ZDHHC23: variants seen among roughly 807,000 people sequenced by gnomAD.
ZDHHC23 encodes zDHHC palmitoyltransferase 23.
ZDHHC23 carries 41 observed loss-of-function variants against 40.2 expected under a neutral mutation model. The ratio of observed to expected loss-of-function variants is 1.02; its 90% CI spans 0.79 to 1.32. The LOEUF is 1.32. Ranked by LOEUF, ZDHHC23 falls within the 40% of genes most tolerant of loss-of-function variation. The pLI, the probability that ZDHHC23 is intolerant of heterozygous loss-of-function variation, is 0.00. For missense variants in ZDHHC23, 471 were observed against 541.5 expected (o/e 0.87, Z 1.29); for synonymous variants, 204 against 210.2 (o/e 0.97, Z 0.26).
At chr3:113,969,585 GCAC>G (rs772062411), downstream of ZDHHC23, among the ~76,000 whole-genome samples, 49 of 152,104 alleles carry the variant, frequency 3.2e-4, no homozygotes, top group Non-Finnish European at 6.6e-4. Flanking sequence ...TGTTTTTCCA[GCAC>G]CATTTATTAA....
the ZDHHC23 span, among the ~76,000 whole-genome samples, chr3:113,971,492 A>G: frequency 2.6e-5 from 4 of 152,214 alleles, no homozygotes; most frequent in South Asian, 2.1e-4. Flanking sequence ...ATTGATTTGC[A>G]TAAGTTGAAC....
downstream of ZDHHC23, chr3:113,964,400 A>G (rs1463587905): frequency 6.6e-6 from 1 of 152,232 alleles, no homozygotes; most frequent in Non-Finnish European, 1.5e-5. Context: ...TGAATTCAAG[A>G]TAGGTATCTC....
Position 113,959,602 on chromosome 3 carries a change from T to C in ZDHHC23, c.*972T>C, listed in dbSNP as rs897103667. On this transcript the variant is annotated 3_prime_UTR_variant, in exon 5 of 5. Coordinates refer to ENST00000638807, the MANE Select transcript of ZDHHC23 (RefSeq NM_001320466.2). ...GGGGATGCTTTACTCTCTTTTCTGGTAGGAAGGCTGAGTAACATCACGGGC... is the reference window on the plus strand; with the variant it reads ...GGGGATGCTTTACTCTCTTTTCTGGCAGGAAGGCTGAGTAACATCACGGGC... 24 of 1,211,484 alleles carry C rather than the reference T, an allele frequency of 2.0e-5. No homozygotes were observed. Among genetic ancestry groups the C allele is most frequent in the Non-Finnish European group, 2.5e-5 (23 of 931,868 alleles). The allele number at this position is 1,211,484 out of a possible 1,614,324, so 75.0% of individuals were successfully genotyped here. A position where few individuals can be genotyped will look rare whatever the true frequency, so the allele number is the denominator to read the frequency against.
intron 4 of ZDHHC23, among the ~76,000 whole-genome samples, chr3:113,957,164 G>C (rs1218052697): frequency 2.0e-5 from 3 of 152,174 alleles, no homozygotes; most frequent in Non-Finnish European, 2.9e-5. Flanking sequence ...CTCCCTGAAT[G>C]CTGGGGCCCC....
Position 113,959,644 on chromosome 3 carries a change from TG to T in ZDHHC23, c.*1015del. On this transcript the variant is annotated 3_prime_UTR_variant, in exon 5 of 5. Coordinates refer to ENST00000638807, the MANE Select transcript of ZDHHC23 (RefSeq NM_001320466.2). ...ATCACGGGCTCGATTATTTTCTTCA[TG>T]TATTTCAAATGCTGTCAGTTATAGC... 5.1e-6 allele frequency: 6 copies of T among 1,172,422 alleles called. No homozygotes were observed. Among genetic ancestry groups the T allele is most frequent in the Non-Finnish European group, 6.6e-6 (6 of 910,784 alleles). The allele number at this position is 1,172,422 out of a possible 1,614,324, so 72.6% of individuals were successfully genotyped here.
downstream of ZDHHC23, chr3:113,965,480 G>T: frequency 7.5e-6 from 4 of 530,150 alleles, no homozygotes; most frequent in South Asian, 1.4e-4. Flanking sequence ...TAAAAGGTGT[G>T]GAAATCACAA....
In ZDHHC23 at chr3:113,959,741, T is replaced by A; in HGVS notation, c.*1111T>A. On this transcript the variant is annotated 3_prime_UTR_variant, in exon 5 of 5. Coordinates refer to ENST00000638807, the MANE Select transcript of ZDHHC23 (RefSeq NM_001320466.2). ...ATGAACTTTGAGGAGTTGAGTGACA[T>A]CTTCCCACTTAACTTGCACATTAAT... is the stretch of plus-strand genomic sequence containing the variant. 9.3e-7 allele frequency: 1 copy of A among 1,078,978 alleles called. No homozygotes were observed. The highest frequency in any genetic ancestry group is 1.6e-5 in the African/African-American group (1 of 61,960). The allele number at this position is 1,078,978 out of a possible 1,614,324, so 66.8% of individuals were successfully genotyped here. A position where few individuals can be genotyped will look rare whatever the true frequency, so the allele number is the denominator to read the frequency against.
chr3:113,978,349 A>C, the ZDHHC23 span: 4 of 1,611,700 alleles, frequency 2.5e-6, no homozygotes, highest in Non-Finnish European at 2.5e-6. Context: ...TGAAGACAGA[A>C]ATAAAAGTGA....
intron 4 of ZDHHC23, chr3:113,957,574 ACC>A: frequency 2.4e-6 from 1 of 413,142 alleles, no homozygotes; most frequent in Non-Finnish European, 4.8e-6. Context: ...ATTGCTTCTC[ACC>A]CTGCTCTGTG....
rs778338700 is a variant in ZDHHC23 at position 113,962,621 on chromosome 3, C to T, written c.*3991C>T. The T allele has an allele frequency of 6.6e-6, 1 of 152,152 alleles. No homozygotes were observed. Among genetic ancestry groups the T allele is most frequent in the African/African-American group, 2.4e-5 (1 of 41,436 alleles). 9.4% of individuals were successfully genotyped at this position (152,152 alleles called of 1,614,324 possible). On this transcript the variant is annotated 3_prime_UTR_variant, in exon 5 of 5. Coordinates refer to ENST00000638807, the MANE Select transcript of ZDHHC23 (RefSeq NM_001320466.2). ...GCCTGCAGTCTCAACTCATTGTGAT[C>T]CTAATGGTCTGGGTGATTGGATGGT...
chr3:113,969,709 G>A (rs370286360), downstream of ZDHHC23, among the ~76,000 whole-genome samples: 3 of 152,096 alleles, frequency 2.0e-5, no homozygotes, highest in African/African-American at 7.2e-5. Flanking sequence ...TGGTCTATAT[G>A]CCTGTTTTTA....
At position 113,954,262 on chromosome 3, in the gene ZDHHC23, C is replaced by A; in HGVS notation, c.724C>A (p.Pro242Thr). Residue 242 changes from proline to threonine, a missense_variant, in exon 3 of 5, where the codon CCC becomes ACC. Around this residue, in one of 3 missense-constraint regions of ZDHHC23, gnomAD observed 346 missense variants for 399.8 expected, o/e 0.87. Transcript: ENST00000638807. ...SLNNRTTKDDPKGSSKMPAGS... is the reference protein window; with the variant it reads ...SLNNRTTKDDTKGSSKMPAGS... ...CAACAATCGCACAACAAAGGATGAC[C>A]CCAAGGGCTCTTCCAAGATGCCAGC... 6.2e-7 allele frequency: 1 copy of A among 1,614,098 alleles called. No homozygotes were observed. Among genetic ancestry groups the A allele is most frequent in the Non-Finnish European group, 8.5e-7 (1 of 1,179,984 alleles).
Position 113,960,760 on chromosome 3 carries a change from A to G in ZDHHC23, c.*2130A>G, listed in dbSNP as rs761191724. The G allele has an allele frequency of 4.5e-6, 7 of 1,554,588 alleles. No individual in the cohort carries two copies. Among genetic ancestry groups the G allele is most frequent in the Middle Eastern group, 3.5e-4 (2 of 5,764 alleles). ...CCAACTCCGCTTCCTTCCCATGGAT[A>G]GGAAGGGACTCTGTGTATTATTCAG... On this transcript the variant is annotated 3_prime_UTR_variant, in exon 5 of 5. Coordinates refer to ENST00000638807, the MANE Select transcript of ZDHHC23 (RefSeq NM_001320466.2).
At position 113,959,045 on chromosome 3, in the gene ZDHHC23, A is replaced by G. The variant is rs1939497554; in HGVS notation, c.*415A>G. 2 of 1,024,388 alleles carry G rather than the reference A, an allele frequency of 2.0e-6. No individual in the cohort carries two copies. The highest frequency in any genetic ancestry group is 1.8e-5 in the South Asian group (1 of 56,580). The allele number at this position is 1,024,388 out of a possible 1,614,324, so 63.5% of individuals were successfully genotyped here. ...TTTCCCAAGTCTCAGGGTCATCTGCAAAGTGGGGTACTGATGCCTGCCCTG... is the reference window on the plus strand; with the variant it reads ...TTTCCCAAGTCTCAGGGTCATCTGCGAAGTGGGGTACTGATGCCTGCCCTG... On this transcript the variant is annotated 3_prime_UTR_variant, in exon 5 of 5. Coordinates refer to ENST00000638807, the MANE Select transcript of ZDHHC23 (RefSeq NM_001320466.2).
chr3:113,949,491 C>G (rs1938457603), intron 2 of ZDHHC23, among the ~76,000 whole-genome samples: 1 of 152,206 alleles, frequency 6.6e-6, no homozygotes, highest in African/African-American at 2.4e-5. Context: ...TCACAGTTTT[C>G]AGTGCGACCA....
chr3:113,964,199 G>C (rs999358162), downstream of ZDHHC23: 2 of 152,170 alleles, frequency 1.3e-5, no homozygotes, highest in Middle Eastern at 3.2e-3. Flanking sequence ...CCAAATAAGA[G>C]TAATCATCTC....
chr3:113,968,874 C>T (rs1308192546), downstream of ZDHHC23, among the ~76,000 whole-genome samples: 1 of 151,928 alleles, frequency 6.6e-6, no homozygotes, highest in African/African-American at 2.4e-5. Context: ...TAAAGGAACA[C>T]CTGAGGCTGG....
rs1577269952 is a variant in ZDHHC23, at chr3:113,958,306, A to G, written c.1041-57A>G. On this transcript the variant is annotated intron_variant, in intron 4 of 4. Transcript: ENST00000638807. ...AAATGTGTAAAACGTGAGAATGATG[A>G]CAGTTTTCTGAATTTGACAAAAACG... 6.1e-6 allele frequency: 9 copies of G among 1,476,326 alleles called. No individual in the cohort carries two copies. The East Asian group carries it at 2.1e-4, about 34-fold the overall frequency. 91.5% of individuals were successfully genotyped at this position (1,476,326 alleles called of 1,614,324 possible).
chr3:113,975,304 AG>A, the ZDHHC23 span, among the ~76,000 whole-genome samples: 1 of 152,222 alleles, frequency 6.6e-6, no homozygotes, highest in Admixed American at 6.5e-5. Context: ...TGCAGCTTAA[AG>A]GTCAGGCTTA....
Sources: allele counts gnomAD v4.1 joint callset (sites outside exome capture counted in the v4.1 genomes callset), GRCh38; gene constraint gnomAD v4.1.1; regional missense constraint gnomAD v4.1.1; transcripts MANE v1.5; gene names NCBI Gene and HGNC (gene_info 2026-07-23, HGNC 2026-07-21).